Variants in PRKCB observed in about 807,000 individuals in gnomAD.
The protein encoded by PRKCB is protein kinase C beta.
PRKCB carries 13 observed loss-of-function variants against 81.5 expected under a neutral mutation model. The ratio of observed to expected loss-of-function variants is 0.16; its 90% CI spans 0.10 to 0.25. PRKCB has a LOEUF of 0.25. PRKCB is among the 10% of genes least tolerant of loss of function. The pLI is 1.00. For synonymous variants in PRKCB, 335 were observed against 321.4 expected (o/e 1.04, Z -0.45); for missense variants, 509 against 875.7 (o/e 0.58, Z 5.29).
intron 2 of PRKCB, among the ~76,000 whole-genome samples, chr16:23,913,912 C>T (rs1328210046): frequency 6.6e-6 from 1 of 152,222 alleles, no homozygotes; most frequent in Non-Finnish European, 1.5e-5. Flanking sequence ...CCCTGTGTGC[C>T]ATTTGCCTTG....
chr16:23,932,040 T>A (rs1207023050), intron 2 of PRKCB, among the ~76,000 whole-genome samples: 1 of 152,194 alleles, frequency 6.6e-6, no homozygotes, highest in Non-Finnish European at 1.5e-5. Context: ...ATATTATTAC[T>A]AAAGATCTAA....
chr16:23,860,723 TA>T (rs112284849), intron 2 of PRKCB, among the ~76,000 whole-genome samples: 2,182 of 140,660 alleles, frequency 0.016, 54 homozygotes, highest in African/African-American at 0.048. Context: ...CCATCTCTAC[TA>T]AAAAAAAAAA....
chr16:24,021,478 T>C (rs1033590104), intron 3 of PRKCB, among the ~76,000 whole-genome samples: 1 of 151,148 alleles, frequency 6.6e-6, no homozygotes, highest in Admixed American at 6.6e-5. Context: ...CTGGGGATTG[T>C]TTTTCACTAT....
intron 2 of PRKCB, among the ~76,000 whole-genome samples, chr16:23,906,641 C>CTTTTTT (rs970390873): frequency 6.6e-6 from 1 of 150,800 alleles, no homozygotes; most frequent in Non-Finnish European, 1.5e-5. Flanking sequence ...ACTTTAACTT[C>CTTTTTT]TTTTTTTTTG....
At chr16:24,009,228 G>A (rs1965168407) in intron 3 of PRKCB, among the ~76,000 whole-genome samples, 1 of 152,154 alleles carries the variant, frequency 6.6e-6, no homozygotes, top group Non-Finnish European at 1.5e-5. Flanking sequence ...TGAGGGTGCT[G>A]AATCATATGG....
chr16:24,122,087 A>G (rs1966804771), intron 8 of PRKCB, among the ~76,000 whole-genome samples: 1 of 152,250 alleles, frequency 6.6e-6, no homozygotes, highest in African/African-American at 2.4e-5. Context: ...CAAGTGTTTT[A>G]GAGAAAATCA....
At chr16:24,015,471 G>A (rs529678790) in intron 3 of PRKCB, among the ~76,000 whole-genome samples, 7 of 152,336 alleles carry the variant, frequency 4.6e-5, no homozygotes, top group African/African-American at 1.7e-4. Context: ...CGGGGGTTGA[G>A]GCAGAGCCTG....
At chr16:24,069,556 C>A (rs1449457273) in intron 5 of PRKCB, among the ~76,000 whole-genome samples, 2 of 152,092 alleles carry the variant, frequency 1.3e-5, no homozygotes, top group Admixed American at 1.3e-4. Context: ...CAGCCTGCAA[C>A]ATAGTGAGAC....
chr16:24,045,765 A>G (rs895108091), intron 5 of PRKCB, among the ~76,000 whole-genome samples: 20 of 152,212 alleles, frequency 1.3e-4, no homozygotes, highest in African/African-American at 4.3e-4. Context: ...GCAATTTAAC[A>G]ACATCCCCTG....
intron 2 of PRKCB, among the ~76,000 whole-genome samples, chr16:23,974,107 C>T (rs915133787): frequency 6.6e-6 from 1 of 151,976 alleles, no homozygotes; most frequent in Non-Finnish European, 1.5e-5. Context: ...TAATTAGGGG[C>T]TAGACTGAAC....
At chr16:24,046,269 C>T (rs1209551570) in intron 5 of PRKCB, among the ~76,000 whole-genome samples, 2 of 152,338 alleles carry the variant, frequency 1.3e-5, no homozygotes, top group Non-Finnish European at 2.9e-5. Context: ...GCTTTGGAGT[C>T]AGGCCTGGGT....
chr16:23,943,253 A>G (rs907704366), intron 2 of PRKCB, among the ~76,000 whole-genome samples: 2 of 152,242 alleles, frequency 1.3e-5, no homozygotes, highest in East Asian at 1.9e-4. Context: ...GGCCAGGCAC[A>G]GTGGCTTATG....
chr16:24,156,369 T>G (rs1020401938), intron 10 of PRKCB, among the ~76,000 whole-genome samples: 4 of 151,948 alleles, frequency 2.6e-5, no homozygotes, highest in African/African-American at 9.7e-5. Flanking sequence ...CGATCTCCCA[T>G]GCTCAAGTGA....
chr16:23,906,863 G>C (rs1963568178), intron 2 of PRKCB, among the ~76,000 whole-genome samples: 1 of 152,126 alleles, frequency 6.6e-6, no homozygotes, highest in Admixed American at 6.5e-5. Flanking sequence ...TCCAGTGCCA[G>C]CTAGGCAGCA....
chr16:24,195,211 A>G (rs972278874), intron 16 of PRKCB, among the ~76,000 whole-genome samples: 1 of 151,446 alleles, frequency 6.6e-6, no homozygotes, highest in Non-Finnish European at 1.5e-5. Flanking sequence ...AGAAAAAAAA[A>G]AAAAGATACA....
chr16:24,137,044 AT>A (rs11321761), intron 9 of PRKCB, among the ~76,000 whole-genome samples: 25,449 of 139,480 alleles, frequency 0.18, 2,388 homozygotes, highest in South Asian at 0.33. Context: ...TGCCCGGCTA[AT>A]TTTTTTTTTT....
intron 12 of PRKCB, among the ~76,000 whole-genome samples, chr16:24,179,922 G>A (rs1003788918): frequency 1.3e-5 from 2 of 152,084 alleles, no homozygotes; most frequent in African/African-American, 4.8e-5. Flanking sequence ...TCCAGGCATA[G>A]TGCCTGTCAC....
intron 7 of PRKCB, among the ~76,000 whole-genome samples, chr16:24,097,473 A>G (rs905404368): frequency 1.3e-5 from 2 of 152,242 alleles, no homozygotes; most frequent in Non-Finnish European, 2.9e-5. Flanking sequence ...TAAACATTGA[A>G]CAAGGAATTA....
chr16:24,149,400 G>A (rs1967042594), intron 9 of PRKCB, among the ~76,000 whole-genome samples: 1 of 152,104 alleles, frequency 6.6e-6, no homozygotes, highest in South Asian at 2.1e-4. Context: ...GAAAATGAAA[G>A]CTTGATTAGA....
Sources: gnomAD v4.1 joint callset for allele counts (sites outside exome capture counted in the v4.1 genomes callset) on GRCh38, gnomAD v4.1.1 for gene constraint, MANE v1.5 for transcripts, NCBI Gene and HGNC (gene_info 2026-07-23, HGNC 2026-07-21) for gene names.